JAKMIP2: variants seen among roughly 807,000 people sequenced by gnomAD.
JAKMIP2 encodes janus kinase and microtubule-interacting protein 2.
A neutral mutation model predicts 115.0 loss-of-function variants in JAKMIP2; 25 were observed. That is an observed-to-expected ratio of 0.22 (90% CI 0.16 to 0.30). The LOEUF (loss-of-function observed/expected upper bound fraction) is 0.30. Among genes scored for constraint, JAKMIP2 ranks in the 10% least tolerant of loss-of-function variants. The pLI is 1.00. For missense variants in JAKMIP2, 642 were observed against 957.6 expected, an observed-to-expected ratio of 0.67 and a Z score of 4.35; for synonymous variants, 334 against 343.6, an observed-to-expected ratio of 0.97 and a Z score of 0.31.
chr5:147,629,166 A>C (rs1348356739), intron 15 of JAKMIP2, among the ~76,000 whole-genome samples: 1 of 152,192 alleles, frequency 6.6e-6, no homozygotes, highest in Non-Finnish European at 1.5e-5. Context: ...CTCTCCTTTG[A>C]TAATTTTTCA....
chr5:147,625,762 C>T (rs559178836), intron 16 of JAKMIP2, among the ~76,000 whole-genome samples: 115 of 152,180 alleles, frequency 7.6e-4, no homozygotes, highest in African/African-American at 2.4e-3. Context: ...AACAATGGTA[C>T]CCCAATGTAC....
intron 1 of JAKMIP2, among the ~76,000 whole-genome samples, chr5:147,742,156 T>TATATATATATATATA (rs1554084271): frequency 4.4e-4 from 37 of 83,940 alleles, no homozygotes; most frequent in African/African-American, 1.2e-3. Flanking sequence ...TATATATATA[T>TATATATATATATATA]TTTTTTTACT....
At chr5:147,692,826 A>G (rs558097508) in intron 1 of JAKMIP2, among the ~76,000 whole-genome samples, 9 of 152,242 alleles carry the variant, frequency 5.9e-5, no homozygotes, top group African/African-American at 2.2e-4. Context: ...TTAAAAGTCT[A>G]TGGGTAATAA....
intron 1 of JAKMIP2, among the ~76,000 whole-genome samples, chr5:147,736,447 G>A (rs1291966808): frequency 1.3e-5 from 2 of 152,036 alleles, no homozygotes; most frequent in Admixed American, 1.3e-4. Context: ...GACAGAGAAA[G>A]ACTCTATCTC....
Position 147,644,911 on chromosome 5 carries a change from A to G in JAKMIP2, c.1022T>C (p.Met341Thr), listed in dbSNP as rs936075109. Residue 341 changes from methionine to threonine, a missense_variant, in exon 6 of 22, where the codon ATG becomes ACG. By Grantham distance (81) the Met-to-Thr change is moderately conservative. Transcript: ENST00000616793. The part of the protein sequence containing the change: ...KCLAKRNDEL[M>T]VSLQRMEEKL... The stretch of plus-strand genomic sequence containing the variant: ...TTCTTCCATGCGCTGCAAGGACACC[A>G]TCAGTTCATCGTTTCTCTTGGCGAG... 3.1e-6 allele frequency: 5 copies of G among 1,613,742 alleles called. No homozygotes were observed. The African/African-American group carries it at 6.7e-5, about 22-fold the overall frequency.
Position 147,599,266 on chromosome 5 carries a change from C to CCT in JAKMIP2, c.*20+2474_*20+2475insAG, listed in dbSNP as rs1454962627. ...ACCTCGTCTCATTCTCTCAACACAA[C>CCT]ACCCTGCTGTAGGTAACATGATTAT... On this transcript the variant is annotated intron_variant, in intron 21 of 21. Transcript: ENST00000616793. Among the ~76,000 whole-genome samples the CCT allele has an allele frequency of 6.3e-3, 966 of 152,278 alleles. 48 individuals are homozygous for CCT. In the East Asian group the frequency reaches 0.13, roughly 20 times the overall value.
intron 11 of JAKMIP2, 49 bp downstream of exon 11, chr5:147,636,916 C>G: frequency 1.1e-6 from 1 of 871,236 alleles, no homozygotes; most frequent in Admixed American, 1.7e-5. Flanking sequence ...ACAGGAAGGT[C>G]AGATTGAATT....
intron 1 of JAKMIP2, among the ~76,000 whole-genome samples, chr5:147,675,076 C>T (rs551006147): frequency 1.3e-5 from 2 of 152,256 alleles, no homozygotes; most frequent in South Asian, 4.1e-4. Flanking sequence ...ATGAGTTCTA[C>T]AGAATTGCTT....
At chr5:147,771,029 T>C (rs116478983) in intron 1 of JAKMIP2, among the ~76,000 whole-genome samples, 2,656 of 152,224 alleles carry the variant, frequency 0.017, 97 homozygotes, top group African/African-American at 0.061. Context: ...TGAATGTAGA[T>C]TTAAGCAGAG....
At chr5:147,636,334 G>A in intron 11 of JAKMIP2, 50 bp from the exon 12 acceptor site, 1 of 1,502,928 alleles carries the variant, frequency 6.7e-7, no homozygotes, top group Non-Finnish European at 9.2e-7. Flanking sequence ...TGGCACGAAA[G>A]AGCCTGTGTT....
chr5:147,758,298 A>C (rs751747253), intron 1 of JAKMIP2, among the ~76,000 whole-genome samples: 9 of 152,184 alleles, frequency 5.9e-5, no homozygotes, highest in Non-Finnish European at 8.8e-5. Flanking sequence ...TGGTAACGAA[A>C]AGGCATAGTG....
chr5:147,647,477 A>T (rs1279633284), intron 5 of JAKMIP2, among the ~76,000 whole-genome samples: 1 of 152,164 alleles, frequency 6.6e-6, no homozygotes, highest in Non-Finnish European at 1.5e-5. Context: ...TGATAAAAAA[A>T]ATCCTAATAG....
intron 1 of JAKMIP2, among the ~76,000 whole-genome samples, chr5:147,766,701 CT>C: frequency 6.6e-6 from 1 of 152,220 alleles, no homozygotes; most frequent in Admixed American, 6.5e-5. Flanking sequence ...AAAAGATAAT[CT>C]TTTATTTTTT....
chr5:147,774,896 G>A (rs965427657), intron 1 of JAKMIP2, among the ~76,000 whole-genome samples: 6 of 152,220 alleles, frequency 3.9e-5, no homozygotes, highest in South Asian at 4.1e-4. Flanking sequence ...CTTTTTTAGA[G>A]TCATAATAAT....
At position 147,586,311 on chromosome 5, in the gene JAKMIP2, A is replaced by G. The variant is rs755149118; in HGVS notation, c.*5396T>C. ...ATCTGTGCATATATTTACATCACAT[A>G]TTTATAAAAATGTTTGGATTTTGAT... is the stretch of plus-strand genomic sequence containing the variant. On this transcript the variant is annotated 3_prime_UTR_variant, in exon 22 of 22. Transcript: ENST00000616793. The G allele has an allele frequency of 6.6e-6, 1 of 152,178 alleles. No homozygotes were observed. Among genetic ancestry groups the G allele is most frequent in the Non-Finnish European group, 1.5e-5 (1 of 68,046 alleles). The allele number at this position is 152,178 out of a possible 1,614,324, so 9.4% of individuals were successfully genotyped here. A position where few individuals can be genotyped will look rare whatever the true frequency, so the allele number is the denominator to read the frequency against.
intron 2 of JAKMIP2, chr5:147,661,740 C>T (rs1432833854): frequency 9.3e-6 from 3 of 323,756 alleles, no homozygotes; most frequent in Admixed American, 4.6e-5. Context: ...ACCCAGGAAG[C>T]ATGTTAGAAG....
chr5:147,718,125 C>T (rs375144325), intron 1 of JAKMIP2, among the ~76,000 whole-genome samples: 3 of 148,586 alleles, frequency 2.0e-5, no homozygotes, highest in Admixed American at 6.7e-5. Flanking sequence ...TTGTCTTTGG[C>T]TCTGTTTATA....
rs1412696709 is a variant in JAKMIP2 at position 147,589,156 on chromosome 5, C to T, written c.*2551G>A. On this transcript the variant is annotated 3_prime_UTR_variant, in exon 22 of 22. Coordinates refer to ENST00000616793, the MANE Select transcript of JAKMIP2 (RefSeq NM_001270941.2). ...GAACCTACCTAGTTGAATAAAGAATCCAGCAGGAGGCCGGGCACAGTGGCT... is the reference window on the plus strand; with the variant it reads ...GAACCTACCTAGTTGAATAAAGAATTCAGCAGGAGGCCGGGCACAGTGGCT... 2.0e-4 allele frequency: 31 copies of T among 152,022 alleles called. No homozygotes were observed. The highest frequency in any genetic ancestry group is 2.0e-3 in the Admixed American group (31 of 15,236). The allele number at this position is 152,022 out of a possible 1,614,324, so 9.4% of individuals were successfully genotyped here. A position where few individuals can be genotyped will look rare whatever the true frequency, so the allele number is the denominator to read the frequency against.
At chr5:147,639,542 G>T in intron 10 of JAKMIP2, 90 bp downstream of exon 10, 1 of 1,415,510 alleles carries the variant, frequency 7.1e-7, no homozygotes, top group Non-Finnish European at 9.5e-7. Context: ...TACAGGGAAA[G>T]CTGTCTTATT....
Sources: allele counts gnomAD v4.1 joint callset (sites outside exome capture counted in the v4.1 genomes callset), GRCh38; gene constraint gnomAD v4.1.1; transcripts MANE v1.5; gene names NCBI Gene and HGNC (gene_info 2026-07-23, HGNC 2026-07-21).